Variants in EIF4EBP1 observed in about 807,000 individuals in gnomAD.
EIF4EBP1 encodes the protein eukaryotic translation initiation factor 4E binding protein 1.
EIF4EBP1 carries 5 observed loss-of-function variants against 9.2 expected under a neutral mutation model. That is an observed-to-expected ratio of 0.54 (90% CI 0.28 to 1.14). EIF4EBP1 has a LOEUF of 1.14. Ranked by LOEUF, EIF4EBP1 falls within the 50% of genes most tolerant of loss-of-function variation. The pLI, the probability that EIF4EBP1 is intolerant of heterozygous loss-of-function variation, is 0.09. For synonymous variants in EIF4EBP1, 62 were observed against 67.0 expected (o/e 0.93, Z 0.36); for missense variants, 139 against 169.6 (o/e 0.82, Z 1.00).
At chr8:38,057,395 A>G in intron 2 of EIF4EBP1, 135 bp downstream of exon 2, 2 of 1,106,560 alleles carry the variant, frequency 1.8e-6, no homozygotes, top group Non-Finnish European at 2.5e-6. Context: ...AGCAGCTCAG[A>G]GCCCAGAGGG....
intron 1 of EIF4EBP1, among the ~76,000 whole-genome samples, chr8:38,049,125 CAAA>C (rs916485531): frequency 5.0e-5 from 4 of 79,364 alleles, no homozygotes; most frequent in Non-Finnish European, 7.8e-5. Flanking sequence ...AACTCCGTCT[CAAA>C]AAAAAAAAAA....
intron 1 of EIF4EBP1, among the ~76,000 whole-genome samples, chr8:38,049,984 T>C (rs976355599): frequency 7.2e-5 from 11 of 152,132 alleles, no homozygotes; most frequent in Non-Finnish European, 1.0e-4. Context: ...CAATCTCGGC[T>C]CACTGCAGCC....
At chr8:38,034,633 G>C (rs1809274714) in intron 1 of EIF4EBP1, among the ~76,000 whole-genome samples, 1 of 152,186 alleles carries the variant, frequency 6.6e-6, no homozygotes, top group African/African-American at 2.4e-5. Flanking sequence ...TGGCAGTTGT[G>C]CCAAAGACCC....
In EIF4EBP1 at chr8:38,040,866, C is replaced by CTGTTGT. The variant is rs3067026; in HGVS notation, c.145+10174_145+10179dup. Among the ~76,000 whole-genome samples, 970 of 151,570 alleles carry CTGTTGT rather than the reference C, an allele frequency of 6.4e-3. 12 individuals carry two copies. Among genetic ancestry groups the CTGTTGT allele is most frequent in the African/African-American group, 0.017 (721 of 41,248 alleles). On this transcript the variant is annotated intron_variant, in intron 1 of 2. Coordinates refer to ENST00000338825, the MANE Select transcript of EIF4EBP1 (RefSeq NM_004095.4). ...ATTCAGGGAGAGGGGAAATACATGC[C>CTGTTGT]TGTTGTTGTTGTTGTTGTTGTTGTT...
chr8:38,038,974 C>T (rs1410775359), intron 1 of EIF4EBP1, among the ~76,000 whole-genome samples: 1 of 151,552 alleles, frequency 6.6e-6, no homozygotes, highest in Non-Finnish European at 1.5e-5. Context: ...CTCACTGCAA[C>T]CTCTGCCTCC....
At chr8:38,031,672 G>A (rs527442204) in intron 1 of EIF4EBP1, among the ~76,000 whole-genome samples, 4 of 152,172 alleles carry the variant, frequency 2.6e-5, no homozygotes, top group Admixed American at 2.0e-4. Context: ...GGCGGGCGGG[G>A]GCCACATGCT....
chr8:38,030,643 G>C lies in EIF4EBP1; in HGVS notation c.70G>C (p.Gly24Arg). The change falls in exon 1 of 3, where the codon GGC becomes CGC. Residue 24 changes from glycine (G) to arginine (R), a missense_variant. Transcript: ENST00000338825. Reference sequence around the variant, plus strand: ...CCCCGCCACTCGCCGGGTGGTGCTCGGCGACGGCGTGCAGCTCCCGCCCGG... The same window carrying C: ...CCCCGCCACTCGCCGGGTGGTGCTCCGCGACGGCGTGCAGCTCCCGCCCGG... ...AIPATRRVVL[G>R]DGVQLPPGDY... The C allele has an allele frequency of 6.6e-7, 1 of 1,510,740 alleles. No homozygotes were observed. The highest frequency in any genetic ancestry group is 8.8e-7 in the Non-Finnish European group (1 of 1,136,438). 93.6% of individuals were successfully genotyped at this position (1,510,740 alleles called of 1,614,324 possible).
rs1274948619 is a variant in EIF4EBP1 at position 38,038,962 on chromosome 8, G to A, written c.145+8244G>A. Among the ~76,000 whole-genome samples the A allele has an allele frequency of 3.3e-5, 5 of 149,890 alleles. No homozygotes were observed. In the East Asian group the frequency reaches 5.9e-4, roughly 18 times the overall value. Reference sequence around the variant, plus strand: ...AGCTGGAGTGCAATGGCACAATCTCGGCTCACTGCAACCTCTGCCTCCCAG... The same window carrying A: ...AGCTGGAGTGCAATGGCACAATCTCAGCTCACTGCAACCTCTGCCTCCCAG... On this transcript the variant is annotated intron_variant, in intron 1 of 2. Transcript: ENST00000338825.
chr8:38,037,556 A>G lies in EIF4EBP1; in HGVS notation c.145+6838A>G, dbSNP rs190919337. Reference sequence around the variant, plus strand: ...TCTCAATCTCCTGACCTTGTGATCCACCCGCCTCGACCTCCCAAAATGCTG... The same window carrying G: ...TCTCAATCTCCTGACCTTGTGATCCGCCCGCCTCGACCTCCCAAAATGCTG... On this transcript the variant is annotated intron_variant, in intron 1 of 2. Coordinates refer to ENST00000338825, the MANE Select transcript of EIF4EBP1 (RefSeq NM_004095.4). Among the ~76,000 whole-genome samples the G allele has an allele frequency of 9.7e-3, 1,468 of 151,494 alleles. 22 individuals are homozygous for G. Among genetic ancestry groups the G allele is most frequent in the African/African-American group, 0.034 (1,393 of 41,326 alleles).
intron 1 of EIF4EBP1, among the ~76,000 whole-genome samples, chr8:38,043,408 A>G (rs1292683203): frequency 7.2e-6 from 1 of 139,756 alleles, no homozygotes; most frequent in Non-Finnish European, 1.5e-5. Context: ...TCTGTTGCCC[A>G]GGCTGGAGTG....
At chr8:38,047,047 C>T (rs538373852) in intron 1 of EIF4EBP1, among the ~76,000 whole-genome samples, 3 of 152,140 alleles carry the variant, frequency 2.0e-5, no homozygotes, top group Non-Finnish European at 4.4e-5. Context: ...ACCCCTCGGG[C>T]ACTGGAGAAC....
intron 1 of EIF4EBP1, among the ~76,000 whole-genome samples, chr8:38,047,911 C>G (rs1382283924): frequency 6.6e-6 from 1 of 152,292 alleles, no homozygotes; most frequent in East Asian, 1.9e-4. Flanking sequence ...TGGCACACAC[C>G]TGTAATCCCA....
intron 1 of EIF4EBP1, among the ~76,000 whole-genome samples, chr8:38,043,583 C>T (rs1809412247): frequency 1.3e-5 from 2 of 151,910 alleles, no homozygotes; most frequent in South Asian, 2.1e-4. Flanking sequence ...TGACCTCAGG[C>T]GATCCACCTG....
chr8:38,051,460 G>A (rs1809523470), intron 1 of EIF4EBP1, among the ~76,000 whole-genome samples: 1 of 152,108 alleles, frequency 6.6e-6, no homozygotes, highest in African/African-American at 2.4e-5. Flanking sequence ...AAGTCACTTT[G>A]ATCCTCAAAA....
intron 2 of EIF4EBP1, among the ~76,000 whole-genome samples, chr8:38,058,164 T>G (rs543184248): frequency 6.6e-6 from 1 of 152,222 alleles, no homozygotes; most frequent in East Asian, 1.9e-4. Flanking sequence ...TCTTAGTCTG[T>G]TTTTTTATGG....
Position 38,041,329 on chromosome 8 carries a change from C to T in EIF4EBP1, c.145+10611C>T, listed in dbSNP as rs1426995336. Among the ~76,000 whole-genome samples the T allele has an allele frequency of 2.0e-5, 3 of 152,190 alleles. No individual in the cohort carries two copies. In the South Asian group the frequency reaches 6.2e-4, roughly 32 times the overall value. Reference sequence around the variant, plus strand: ...TGTTGGCCAGGCTGGTCTCGAACTTCTAACCTCAGGCGATCTGCCTGCCTT... The same window carrying T: ...TGTTGGCCAGGCTGGTCTCGAACTTTTAACCTCAGGCGATCTGCCTGCCTT... On this transcript the variant is annotated intron_variant, in intron 1 of 2. Transcript: ENST00000338825.
At chr8:38,031,764 G>A (rs34027755) in intron 1 of EIF4EBP1, among the ~76,000 whole-genome samples, 19 of 152,172 alleles carry the variant, frequency 1.2e-4, no homozygotes, top group African/African-American at 3.9e-4. Flanking sequence ...AACATACACT[G>A]TTAGAACGGT....
At chr8:38,045,927 A>G (rs1467555729) in intron 1 of EIF4EBP1, among the ~76,000 whole-genome samples, 50 of 151,290 alleles carry the variant, frequency 3.3e-4, no homozygotes, top group Admixed American at 3.2e-3. Flanking sequence ...TTTGTTTGAG[A>G]CAGAGTCTTG....
chr8:38,042,583 C>T (rs1163946580), intron 1 of EIF4EBP1, among the ~76,000 whole-genome samples: 1 of 152,196 alleles, frequency 6.6e-6, no homozygotes. Context: ...CAGATGGCCA[C>T]CTTCTCCCTG....
Sources: gnomAD v4.1 joint callset for allele counts (sites outside exome capture counted in the v4.1 genomes callset) on GRCh38, gnomAD v4.1.1 for gene constraint, MANE v1.5 for transcripts, NCBI Gene and HGNC (gene_info 2026-07-23, HGNC 2026-07-21) for gene names.